The following ETV5 variants were observed in gnomAD, a reference collection of about 807,000 sequenced individuals.
ETV5 encodes the protein ETS variant transcription factor 5, also known as ETS translocation variant 5.
Under a neutral mutation model 70.0 loss-of-function variants are expected in ETV5, and 10 were observed. The observed-to-expected ratio is 0.14, with a 90% CI of 0.09 to 0.24. The LOEUF (loss-of-function observed/expected upper bound fraction) is 0.24. ETV5 is among the 10% of genes least tolerant of loss of function. The probability of loss-of-function intolerance (pLI) is 1.00; values close to 1 mark genes in which losing one functional copy is unlikely to be tolerated. For synonymous variants in ETV5, 216 were observed against 242.2 expected (o/e 0.89, Z 1.01); for missense variants, 453 against 651.2 (o/e 0.70, Z 3.31).
chr3:186,073,106 T>C (rs7622914), intron 7 of ETV5, among the ~76,000 whole-genome samples: 43,209 of 152,094 alleles, frequency 0.28, 7,287 homozygotes, highest in East Asian at 0.61. Flanking sequence ...CACTCCAGCC[T>C]GTGCGATGGA....
intron 7 of ETV5, among the ~76,000 whole-genome samples, chr3:186,068,729 G>C (rs1254300057): frequency 6.6e-6 from 1 of 152,186 alleles, no homozygotes; most frequent in Non-Finnish European, 1.5e-5. Context: ...ATACAATCAT[G>C]TCTGTAAAGT....
intron 11 of ETV5, among the ~76,000 whole-genome samples, chr3:186,053,173 C>T (rs568318343): frequency 6.6e-6 from 1 of 152,300 alleles, no homozygotes; most frequent in Non-Finnish European, 1.5e-5. Flanking sequence ...ACGATCATGG[C>T]TCACTGCAAC....
Position 186,108,938 on chromosome 3 carries a change from A to C in ETV5, c.-75+2T>G. The C allele has an allele frequency of 6.3e-6, 1 of 159,756 alleles. No homozygotes were observed. 9.9% of individuals were successfully genotyped at this position (159,756 alleles called of 1,614,324 possible). On this transcript the variant is annotated splice_donor_variant, in intron 1 of 12. Transcript: ENST00000306376. LOFTEE classifies it low-confidence loss of function (5UTR_SPLICE). ...CCCCCTGCCCCCGCAAAGCCCCCTC[A>C]CCTGAGGCGGCCTCTCTCCTCCCCT...
intron 5 of ETV5, among the ~76,000 whole-genome samples, chr3:186,100,391 A>G (rs1421016551): frequency 6.6e-6 from 1 of 152,226 alleles, no homozygotes; most frequent in Non-Finnish European, 1.5e-5. Context: ...CAAGCAAGAA[A>G]ACGTGGTGTT....
At chr3:186,079,076 C>T (rs1321922153) in intron 7 of ETV5, 1 of 1,063,168 alleles carries the variant, frequency 9.4e-7, no homozygotes, top group East Asian at 5.0e-5. Flanking sequence ...TTGACAACTA[C>T]CCCCCTATCC....
At chr3:186,067,436 AAAC>A (rs1389325157) in intron 7 of ETV5, among the ~76,000 whole-genome samples, 9 of 152,226 alleles carry the variant, frequency 5.9e-5, no homozygotes, top group Admixed American at 2.0e-4. Flanking sequence ...GTCTCAAAAT[AAAC>A]AACAACAAAA....
chr3:186,078,893 A>G (rs1713862483), intron 7 of ETV5: 1 of 254,876 alleles, frequency 3.9e-6, no homozygotes, highest in Admixed American at 5.6e-5. Context: ...TAGAAATAAA[A>G]TGACCTCCAA....
intron 1 of ETV5, among the ~76,000 whole-genome samples, chr3:186,107,404 T>C (rs1405020555): frequency 6.6e-6 from 1 of 152,052 alleles, no homozygotes; most frequent in African/African-American, 2.4e-5. Flanking sequence ...AATCATGGCC[T>C]AAGACATTTT....
Position 186,046,891 on chromosome 3 carries a change from T to A in ETV5, c.*1748A>T. On this transcript the variant is annotated 3_prime_UTR_variant, in exon 13 of 13. Coordinates refer to ENST00000306376, the MANE Select transcript of ETV5 (RefSeq NM_004454.3). The stretch of plus-strand genomic sequence containing the variant: ...CCAATCTACAGGTTTACCACCTTTG[T>A]GGGCTAATTAGCTTCCAATAGAGGA... 4.3e-6 allele frequency: 1 copy of A among 231,476 alleles called. No individual in the cohort carries two copies. Among genetic ancestry groups the A allele is most frequent in the East Asian group, 6.1e-5 (1 of 16,320 alleles). 14.3% of individuals were successfully genotyped at this position (231,476 alleles called of 1,614,324 possible).
intron 9 of ETV5, among the ~76,000 whole-genome samples, chr3:186,063,063 A>G (rs1713346068): frequency 6.6e-6 from 1 of 152,162 alleles, no homozygotes; most frequent in African/African-American, 2.4e-5. Context: ...CGAGGTCAGG[A>G]GATTGAGACC....
chr3:186,078,739 A>G (rs1713857745), intron 7 of ETV5, among the ~76,000 whole-genome samples: 1 of 152,076 alleles, frequency 6.6e-6, no homozygotes, highest in Non-Finnish European at 1.5e-5. Context: ...CCTGTGTAAC[A>G]CAGGCGTTCG....
At chr3:186,080,214 G>T in intron 6 of ETV5, 110 bp from the exon 7 acceptor site, 1 of 854,400 alleles carries the variant, frequency 1.2e-6, no homozygotes, top group Non-Finnish European at 1.7e-6. Context: ...GGAAATAACA[G>T]CATTAACATA....
chr3:186,095,613 G>A (rs1714285289), intron 5 of ETV5, among the ~76,000 whole-genome samples: 1 of 152,212 alleles, frequency 6.6e-6, no homozygotes, highest in Non-Finnish European at 1.5e-5. Flanking sequence ...TACGTCAAGG[G>A]TGCCTAAACT....
In ETV5 at chr3:186,090,314, G is replaced by C. The variant is rs533130473; in HGVS notation, c.233-9139C>G. On this transcript the variant is annotated intron_variant, in intron 5 of 12. Coordinates refer to ENST00000306376, the MANE Select transcript of ETV5 (RefSeq NM_004454.3). The stretch of plus-strand genomic sequence containing the variant: ...CGCCAGTGGTTCTCAAACACATTTT[G>C]TTGGCTTTGGCCCACTTAGAAAGGA... Among the ~76,000 whole-genome samples the C allele has an allele frequency of 3.9e-5, 6 of 152,256 alleles. No homozygotes were observed. The South Asian group carries it at 1.2e-3, about 32-fold the overall frequency.
At chr3:186,060,124 C>G (rs759897077) in intron 9 of ETV5, among the ~76,000 whole-genome samples, 6 of 152,184 alleles carry the variant, frequency 3.9e-5, no homozygotes, top group Non-Finnish European at 7.3e-5. Flanking sequence ...AAAGTCATTA[C>G]AAGCGAACTA....
At position 186,102,151 on chromosome 3, in the gene ETV5, GA is replaced by G. The variant is rs1714474649; in HGVS notation, c.232+3153del. On this transcript the variant is annotated intron_variant, in intron 5 of 12. Coordinates refer to ENST00000306376, the MANE Select transcript of ETV5 (RefSeq NM_004454.3). Reference sequence around the variant, plus strand: ...ACAAAATATAATCTCTTTAGAAGTTGAACTTTTAGTGTTTAGAGAAAAAAAA... The same window carrying G: ...ACAAAATATAATCTCTTTAGAAGTTGACTTTTAGTGTTTAGAGAAAAAAAA... 3.3e-5 allele frequency among the ~76,000 whole-genome samples: 5 copies of G among 150,916 alleles called. No homozygotes were observed. In the South Asian group the frequency reaches 1.0e-3, roughly 32 times the overall value.
chr3:186,096,382 C>T (rs1714303863), intron 5 of ETV5, among the ~76,000 whole-genome samples: 1 of 152,082 alleles, frequency 6.6e-6, no homozygotes, highest in African/African-American at 2.4e-5. Flanking sequence ...TATAAAAGAC[C>T]CTCATTAAGT....
intron 11 of ETV5, among the ~76,000 whole-genome samples, chr3:186,056,379 A>G (rs866683132): frequency 6.6e-6 from 1 of 151,970 alleles, no homozygotes; most frequent in South Asian, 2.1e-4. Flanking sequence ...ATAGACACAC[A>G]CCACCATGCC....
chr3:186,108,258 C>T (rs958013256), intron 1 of ETV5, among the ~76,000 whole-genome samples: 1 of 151,868 alleles, frequency 6.6e-6, no homozygotes, highest in Admixed American at 6.6e-5. Context: ...CGGTGCTGTC[C>T]CCTCCACACC....
Sources: gnomAD v4.1 joint callset for allele counts (sites outside exome capture counted in the v4.1 genomes callset) on GRCh38, gnomAD v4.1.1 for gene constraint, MANE v1.5 for transcripts, NCBI Gene and HGNC (gene_info 2026-07-23, HGNC 2026-07-21) for gene names.